The following SYNE2 variants were observed in gnomAD, a reference collection of about 807,000 sequenced individuals.
SYNE2 encodes the protein spectrin repeat containing nuclear envelope protein 2.
Under a neutral mutation model 856.3 loss-of-function variants are expected in SYNE2, and 431 were observed. The observed-to-expected ratio is 0.50, with a 90% CI of 0.47 to 0.55. The LOEUF is 0.55. SYNE2 is among the 20% of genes least tolerant of loss of function. SYNE2 has a pLI of 0.00. For synonymous variants in SYNE2, 2,923 were observed against 2,872.3 expected (o/e 1.02, Z -0.56); for missense variants, 8,129 against 8,023.2 (o/e 1.01, Z -0.50).
intron 105 of SYNE2, among the ~76,000 whole-genome samples, chr14:64,213,576 C>T (rs955351647): frequency 2.0e-5 from 3 of 152,244 alleles, no homozygotes; most frequent in Non-Finnish European, 2.9e-5. Context: ...TTGACCGATA[C>T]GACTGGCCAC....
intron 1 of SYNE2, among the ~76,000 whole-genome samples, chr14:63,799,326 G>A (rs915934938): frequency 2.6e-5 from 4 of 151,698 alleles, no homozygotes; most frequent in African/African-American, 9.7e-5. Context: ...TGATCTGCCC[G>A]CCTAAGTCTC....
At chr14:63,876,892 A>T (rs2094736104) in intron 1 of SYNE2, among the ~76,000 whole-genome samples, 1 of 152,196 alleles carries the variant, frequency 6.6e-6, no homozygotes, top group Non-Finnish European at 1.5e-5. Context: ...AATAAGACAG[A>T]TCAGAAACCA....
At position 64,017,680 on chromosome 14, in the gene SYNE2, T is replaced by C; in HGVS notation, c.4973T>C (p.Ile1658Thr). 6.2e-7 allele frequency: 1 copy of C among 1,613,722 alleles called. No individual in the cohort carries two copies. The highest frequency in any genetic ancestry group is 8.5e-7 in the Non-Finnish European group (1 of 1,179,754). ...WDKLFNLKNV[I>T]DEWTEKALQK... ...AAACTTTTTAACTTAAAAAATGTCATTGATGAGTGGACAGAAAAGGCCCTT... is the reference window on the plus strand; with the variant it reads ...AAACTTTTTAACTTAAAAAATGTCACTGATGAGTGGACAGAAAAGGCCCTT... Residue 1658 changes from isoleucine to threonine, a missense_variant, in exon 34 of 116, where the codon ATT (isoleucine) becomes ACT (threonine). Physicochemically the swap from Ile to Thr is moderately conservative, Grantham distance 89. This residue lies in a region of SYNE2 where 2,422 missense variants were observed against 2,357.4 expected (regional missense o/e 1.03). Coordinates refer to ENST00000555002, the MANE Select transcript of SYNE2 (RefSeq NM_182914.3).
In SYNE2 at chr14:64,049,603, A is replaced by G. The variant is rs1292077560; in HGVS notation, c.7378-8A>G. ...GTTTATTGACTGATCTGTGTGACTT[A>G]TTTTTAGAAATTATATACCCAGTTG... On this transcript the variant is annotated splice_polypyrimidine_tract_variant and splice_region_variant and intron_variant, in intron 46 of 115. Coordinates refer to ENST00000555002, the MANE Select transcript of SYNE2 (RefSeq NM_182914.3). 5.6e-6 allele frequency: 9 copies of G among 1,613,886 alleles called. No homozygotes were observed. Among genetic ancestry groups the G allele is most frequent in the Non-Finnish European group, 7.6e-6 (9 of 1,179,918 alleles).
Position 64,021,985 on chromosome 14 carries a change from C to CA in SYNE2, c.5488dup (p.Ser1830LysfsTer9). The CA allele has an allele frequency of 6.2e-7, 1 of 1,613,232 alleles. No individual in the cohort carries two copies. Among genetic ancestry groups the CA allele is most frequent in the Non-Finnish European group, 8.5e-7 (1 of 1,179,656 alleles). On this transcript the variant is annotated frameshift_variant, in exon 37 of 116. Coordinates refer to ENST00000555002, the MANE Select transcript of SYNE2 (RefSeq NM_182914.3). LOFTEE classifies it high-confidence loss of function. ...AAAGTGTCAGTGATTTATTTAATAC[C>CA]AAAAAAAGTGTTTTGCAAGATCACT...
intron 1 of SYNE2, among the ~76,000 whole-genome samples, chr14:63,769,407 G>A (rs1171905682): frequency 6.6e-6 from 1 of 152,148 alleles, no homozygotes; most frequent in African/African-American, 2.4e-5. Context: ...AGTGGCTCAC[G>A]CCTGTAATCC....
At chr14:63,949,375 T>A (rs1255865) in intron 6 of SYNE2, among the ~76,000 whole-genome samples, 2 of 151,968 alleles carry the variant, frequency 1.3e-5, no homozygotes, top group Non-Finnish European at 1.5e-5. Context: ...GCAATTTTAT[T>A]TGTTTCCTCT....
intron 87 of SYNE2, 85 bp downstream of exon 87, chr14:64,159,527 C>A: frequency 1.3e-6 from 2 of 1,481,802 alleles, no homozygotes; most frequent in South Asian, 1.2e-5. Context: ...ATTGTAAAGT[C>A]TTCTTCCTCC....
chr14:64,189,042 A>G (rs2098505198), intron 98 of SYNE2: 1 of 699,926 alleles, frequency 1.4e-6, no homozygotes, highest in Admixed American at 2.0e-5. Flanking sequence ...GTTATTAAGA[A>G]GCTCCCCTTG....
At chr14:63,820,992 C>T (rs1246853238) in intron 1 of SYNE2, among the ~76,000 whole-genome samples, 1 of 152,002 alleles carries the variant, frequency 6.6e-6, no homozygotes, top group African/African-American at 2.4e-5. Context: ...CTCAGGTGAT[C>T]CACCCACCTC....
intron 83 of SYNE2, among the ~76,000 whole-genome samples, 182 bp from the exon 84 acceptor site, chr14:64,145,886 G>A (rs893869810): frequency 6.6e-6 from 1 of 152,088 alleles, no homozygotes; most frequent in African/African-American, 2.4e-5. Context: ...TTTTTCCTAA[G>A]AGGAGCTTTA....
At chr14:64,211,296 CT>C (rs2098639778) in intron 103 of SYNE2, among the ~76,000 whole-genome samples, 1 of 152,192 alleles carries the variant, frequency 6.6e-6, no homozygotes. Context: ...TAATTATCTC[CT>C]GCCGATCTGG....
chr14:64,102,018 C>G lies in SYNE2; in HGVS notation c.12468C>G (p.Ser4156=). The G allele has an allele frequency of 6.2e-7, 1 of 1,613,890 alleles. No homozygotes were observed. The highest frequency in any genetic ancestry group is 8.5e-7 in the Non-Finnish European group (1 of 1,179,796). ...HDKDMEEDRA[S]SSSGTIVQEA... The stretch of plus-strand genomic sequence containing the variant: ...AGGACATGGAAGAAGACAGAGCTTC[C>G]TCATCCTCTGGAACAATTGTTCAGG... The change falls in exon 64 of 116, where the codon TCC becomes TCG. Residue 4156 remains serine (S), a synonymous_variant. Coordinates refer to ENST00000555002, the MANE Select transcript of SYNE2 (RefSeq NM_182914.3).
intron 77 of SYNE2, among the ~76,000 whole-genome samples, chr14:64,133,001 G>C (rs2098039275): frequency 6.6e-6 from 1 of 152,002 alleles, no homozygotes; most frequent in African/African-American, 2.4e-5. Flanking sequence ...AGGAGATCGA[G>C]ACCATCCTGG....
chr14:63,839,440 A>G (rs1889973469), intron 1 of SYNE2, among the ~76,000 whole-genome samples: 1 of 152,080 alleles, frequency 6.6e-6, no homozygotes, highest in Non-Finnish European at 1.5e-5. Context: ...CCCCACGCCC[A>G]TTTACTGACC....
intron 33 of SYNE2, 143 bp downstream of exon 33, chr14:64,016,774 C>A (rs990786529): frequency 1.6e-6 from 1 of 640,646 alleles, no homozygotes; most frequent in Non-Finnish European, 2.7e-6. Flanking sequence ...TTAATTTTAA[C>A]CCCAGAGTTG....
intron 6 of SYNE2, among the ~76,000 whole-genome samples, chr14:63,944,156 A>G (rs1386662388): frequency 2.0e-5 from 3 of 151,106 alleles, no homozygotes; most frequent in Non-Finnish European, 2.9e-5. Flanking sequence ...AATTTAGTGT[A>G]TAGTCTTTAT....
At chr14:63,806,144 T>A (rs1209728422) in intron 1 of SYNE2, among the ~76,000 whole-genome samples, 1 of 152,164 alleles carries the variant, frequency 6.6e-6, no homozygotes, top group Admixed American at 6.5e-5. Context: ...ATTATTTTGA[T>A]GTATGTTTCT....
At chr14:63,920,608 G>A (rs911765706) in intron 2 of SYNE2, among the ~76,000 whole-genome samples, 3 of 151,346 alleles carry the variant, frequency 2.0e-5, no homozygotes, top group African/African-American at 7.3e-5. Context: ...CCAGGCTTCA[G>A]TGTGGCGTCT....
Sources: gnomAD v4.1 joint callset for allele counts (sites outside exome capture counted in the v4.1 genomes callset) on GRCh38, gnomAD v4.1.1 for gene constraint, gnomAD v4.1.1 regional missense constraint, MANE v1.5 for transcripts, NCBI Gene and HGNC (gene_info 2026-07-23, HGNC 2026-07-21) for gene names.